Variants in UNC50 observed in about 807,000 individuals in gnomAD.
UNC50 encodes the protein unc-50 inner nuclear membrane RNA binding protein.
A neutral mutation model predicts 31.5 loss-of-function variants in UNC50; 24 were observed. That is an observed-to-expected ratio of 0.76 (90% CI 0.55 to 1.07). The LOEUF is 1.07. Ranked by LOEUF, UNC50 falls within the 50% of genes least tolerant of loss-of-function variation. The pLI is 0.00. For synonymous variants in UNC50, 118 were observed against 114.7 expected (o/e 1.03, Z -0.18); for missense variants, 245 against 304.2 (o/e 0.81, Z 1.45).
intron 3 of UNC50, among the ~76,000 whole-genome samples, chr2:98,613,063 AGT>A (rs1220274786): frequency 1.3e-5 from 2 of 152,230 alleles, no homozygotes; most frequent in East Asian, 3.9e-4. Context: ...AGTACAGTGC[AGT>A]GTGGTAAAAT....
rs767817422 is a variant in UNC50, at chr2:98,609,868, A to T, written c.109A>T (p.Arg37Trp). ...AGAKRYKYLR[R>W]LFRFRQMDFE... is the part of the protein sequence containing the mutation. ...AGCGAAACGCTACAAATATCTGAGAAGGCTTTTCCGCTTTCGGCAAATGGA... is the reference window on the plus strand; with the variant it reads ...AGCGAAACGCTACAAATATCTGAGATGGCTTTTCCGCTTTCGGCAAATGGA... Residue 37 changes from arginine (R) to tryptophan (W), a missense_variant, in exon 2 of 6, where the codon AGG becomes TGG. Transcript: ENST00000357765. 6.2e-7 allele frequency: 1 copy of T among 1,614,098 alleles called. No homozygotes were observed.
At chr2:98,613,458 C>T (rs568976082) in intron 3 of UNC50, among the ~76,000 whole-genome samples, 4 of 152,288 alleles carry the variant, frequency 2.6e-5, no homozygotes, top group African/African-American at 9.6e-5. Flanking sequence ...CCTCAGGAAA[C>T]TTATAATCAT....
chr2:98,618,138 T>TTTA (rs1553534037), intron 5 of UNC50, 30 bp from the exon 6 acceptor site: 14 of 1,465,968 alleles, frequency 9.6e-6, no homozygotes, highest in South Asian at 5.6e-5. Flanking sequence ...TTTTTTTTTT[T>TTTA]AAATCAGTTT....
chr2:98,618,476 T>A lies in UNC50; in HGVS notation c.*172T>A, dbSNP rs1015956582. On this transcript the variant is annotated 3_prime_UTR_variant, in exon 6 of 6. Coordinates refer to ENST00000357765, the MANE Select transcript of UNC50 (RefSeq NM_014044.7). ...GGTCAGGTACATTCCTTAAAACTAA[T>A]TAAATGTACATTTCTATAATAAATA... 4.2e-6 allele frequency: 2 copies of A among 481,162 alleles called. No homozygotes were observed. The highest frequency in any genetic ancestry group is 1.9e-4 in the South Asian group (2 of 10,364). The allele number at this position is 481,162 out of a possible 1,614,324, so 29.8% of individuals were successfully genotyped here.
chr2:98,610,717 C>T, intron 2 of UNC50, 58 bp from the exon 3 acceptor site: 1 of 1,595,500 alleles, frequency 6.3e-7, no homozygotes, highest in South Asian at 1.1e-5. Context: ...AGGGATGTGT[C>T]CTGTATTTCC....
chr2:98,612,914 T>G (rs1700859187), intron 3 of UNC50, among the ~76,000 whole-genome samples: 1 of 152,236 alleles, frequency 6.6e-6, no homozygotes, highest in Non-Finnish European at 1.5e-5. Flanking sequence ...TTAAAATGCT[T>G]TATTGCTTAA....
Position 98,612,767 on chromosome 2 carries a change from T to G in UNC50, c.401+1872T>G, listed in dbSNP as rs1188679344. On this transcript the variant is annotated intron_variant, in intron 3 of 5. Coordinates refer to ENST00000357765, the MANE Select transcript of UNC50 (RefSeq NM_014044.7). ...GCTAGTTCCATTCCAGATACTGCAG[T>G]AAAGCAAATATCACAATAAACTGAG... Among the ~76,000 whole-genome samples the G allele has an allele frequency of 2.0e-5, 3 of 152,352 alleles. No homozygotes were observed. The East Asian group carries it at 5.8e-4, about 29-fold the overall frequency.
intron 3 of UNC50, among the ~76,000 whole-genome samples, chr2:98,615,239 C>G (rs1490968356): frequency 1.3e-5 from 2 of 152,342 alleles, no homozygotes; most frequent in Admixed American, 6.5e-5. Context: ...TGACATCATT[C>G]AGGCCCGTGG....
intron 3 of UNC50, among the ~76,000 whole-genome samples, chr2:98,615,410 C>T (rs1700904508): frequency 6.6e-6 from 1 of 152,242 alleles, no homozygotes; most frequent in Non-Finnish European, 1.5e-5. Context: ...CTTCCCACCT[C>T]AAAACCACTC....
intron 3 of UNC50, among the ~76,000 whole-genome samples, chr2:98,613,151 A>T (rs1379487454): frequency 6.6e-6 from 1 of 152,226 alleles, no homozygotes; most frequent in East Asian, 1.9e-4. Flanking sequence ...TAGCCAATAA[A>T]TGCTGTCCAC....
intron 5 of UNC50, 22 bp downstream of exon 5, chr2:98,616,555 T>C: frequency 1.3e-6 from 2 of 1,595,804 alleles, no homozygotes; most frequent in Non-Finnish European, 1.7e-6. Context: ...TTTTAAATGT[T>C]TTTGGTTGAG....
chr2:98,615,027 A>G (rs1385327442), intron 3 of UNC50, among the ~76,000 whole-genome samples: 2 of 152,168 alleles, frequency 1.3e-5, no homozygotes, highest in Non-Finnish European at 2.9e-5. Context: ...TGTTACTTGG[A>G]TATTTTACTT....
At chr2:98,614,503 C>T (rs1236156257) in intron 3 of UNC50, among the ~76,000 whole-genome samples, 2 of 152,102 alleles carry the variant, frequency 1.3e-5, no homozygotes, top group African/African-American at 4.8e-5. Context: ...GACTCTAGAC[C>T]TAGAGGCAAG....
At position 98,618,352 on chromosome 2, in the gene UNC50, G is replaced by A. The variant is rs376319322; in HGVS notation, c.*48G>A. ...GTAACTGTGTCAACAGTATTGTGAA[G>A]TGATCATTTCTTGTAAAACTTGTAA... On this transcript the variant is annotated 3_prime_UTR_variant, in exon 6 of 6. Transcript: ENST00000357765. 1 of 1,515,630 alleles carries A rather than the reference G, an allele frequency of 6.6e-7. No individual in the cohort carries two copies. The highest frequency in any genetic ancestry group is 8.8e-7 in the Non-Finnish European group (1 of 1,131,914). 93.9% of individuals were successfully genotyped at this position (1,515,630 alleles called of 1,614,324 possible).
chr2:98,609,843 A>T lies in UNC50; in HGVS notation c.84A>T (p.Gly28=). ...GGGATGCGGCAAGACACACAGCCGG[A>T]GCGAAACGCTACAAATATCTGAGAA... ...NSRDAARHTA[G]AKRYKYLRRL... is the part of the protein sequence containing the mutation. Residue 28 remains glycine (G), a synonymous_variant, in exon 2 of 6, where the codon GGA becomes GGT. Transcript: ENST00000357765. 6.2e-7 allele frequency: 1 copy of T among 1,614,252 alleles called. No individual in the cohort carries two copies. Among genetic ancestry groups the T allele is most frequent in the Non-Finnish European group, 8.5e-7 (1 of 1,180,046 alleles).
intron 3 of UNC50, among the ~76,000 whole-genome samples, chr2:98,615,616 T>C (rs1480942563): frequency 6.6e-6 from 1 of 152,220 alleles, no homozygotes; most frequent in Non-Finnish European, 1.5e-5. Flanking sequence ...ATCTCTTCCT[T>C]GCAGTAGCCT....
At chr2:98,617,438 T>G (rs1485394278) in intron 5 of UNC50, among the ~76,000 whole-genome samples, 1 of 152,232 alleles carries the variant, frequency 6.6e-6, no homozygotes, top group Non-Finnish European at 1.5e-5. Context: ...TAATGAATTT[T>G]GAAAGTGTTT....
chr2:98,616,648 T>G, intron 5 of UNC50, 115 bp downstream of exon 5: 1 of 731,910 alleles, frequency 1.4e-6, no homozygotes, highest in Non-Finnish European at 2.3e-6. Flanking sequence ...CCTAAGTATT[T>G]TATGTGCATT....
chr2:98,610,706 A>G (rs538127187), intron 2 of UNC50, 69 bp from the exon 3 acceptor site: 2,060 of 1,566,832 alleles, frequency 1.3e-3, no homozygotes, highest in Non-Finnish European at 1.6e-3. Context: ...TCTGGAGGGC[A>G]AGGGATGTGT....
Sources: allele counts gnomAD v4.1 joint callset (sites outside exome capture counted in the v4.1 genomes callset), GRCh38; gene constraint gnomAD v4.1.1; transcripts MANE v1.5; gene names NCBI Gene and HGNC (gene_info 2026-07-23, HGNC 2026-07-21).